TIAM2: variants seen among roughly 807,000 people sequenced by gnomAD.
TIAM2 encodes the protein rho guanine nucleotide exchange factor TIAM2.
TIAM2 carries 80 observed loss-of-function variants against 152.9 expected under a neutral mutation model. The observed-to-expected ratio is 0.52, with a 90% CI of 0.44 to 0.63. The LOEUF is 0.63. Among genes scored for constraint, TIAM2 ranks in the 30% least tolerant of loss-of-function variants. TIAM2 has a pLI of 0.00. For synonymous variants in TIAM2, 804 were observed against 838.0 expected (o/e 0.96, Z 0.70); for missense variants, 1,965 against 2,120.1 (o/e 0.93, Z 1.44).
chr6:155,197,476 A>T (rs1781373356), intron 14 of TIAM2, among the ~76,000 whole-genome samples: 1 of 152,136 alleles, frequency 6.6e-6, no homozygotes, highest in South Asian at 2.1e-4. Context: ...TGACCCCGAA[A>T]TGCCAGTCAC....
At chr6:155,005,795 G>A (rs1039859051) in intron 1 of TIAM2, among the ~76,000 whole-genome samples, 2 of 151,766 alleles carry the variant, frequency 1.3e-5, no homozygotes, top group African/African-American at 2.4e-5. Flanking sequence ...GATTGCAGGC[G>A]CCTGCCACCA....
intron 1 of TIAM2, among the ~76,000 whole-genome samples, chr6:155,007,584 G>A (rs973096398): frequency 2.0e-5 from 3 of 151,968 alleles, no homozygotes; most frequent in African/African-American, 7.2e-5. Context: ...AAAACGATTA[G>A]GTAAAATGTC....
At chr6:155,057,202 T>A (rs1170456464) in intron 1 of TIAM2, among the ~76,000 whole-genome samples, 4 of 151,576 alleles carry the variant, frequency 2.6e-5, no homozygotes, top group African/African-American at 7.3e-5. Flanking sequence ...CTAATGTTTT[T>A]TTATTATTAT....
chr6:155,105,597 A>G (rs140998779), intron 2 of TIAM2, among the ~76,000 whole-genome samples: 1 of 143,696 alleles, frequency 7.0e-6, no homozygotes, highest in Non-Finnish European at 1.5e-5. Context: ...GGCTTGGCTA[A>G]TTTTTTTTTT....
chr6:155,076,710 C>A (rs956406509), intron 1 of TIAM2, among the ~76,000 whole-genome samples: 52 of 152,126 alleles, frequency 3.4e-4, no homozygotes, highest in South Asian at 2.1e-4. Context: ...TTTTTTTAGA[C>A]AGAGTCTTGC....
chr6:155,102,032 G>A (rs568034377), intron 2 of TIAM2, among the ~76,000 whole-genome samples: 65 of 143,894 alleles, frequency 4.5e-4, no homozygotes, highest in Admixed American at 1.0e-3. Flanking sequence ...TCACTTTGTC[G>A]CCCAGGCTGG....
intron 7 of TIAM2, among the ~76,000 whole-genome samples, chr6:155,157,496 G>A (rs559050584): frequency 4.0e-5 from 6 of 150,476 alleles, no homozygotes; most frequent in African/African-American, 1.2e-4. Context: ...AAATAGAGAC[G>A]AGGTCTCGCT....
intron 4 of TIAM2, among the ~76,000 whole-genome samples, chr6:155,132,329 G>C (rs1363050157): frequency 6.7e-6 from 1 of 150,340 alleles, no homozygotes; most frequent in Non-Finnish European, 1.5e-5. Flanking sequence ...TGAGTAGATT[G>C]CTTCAGATTT....
rs1491541310 is a variant in TIAM2 at position 155,029,409 on chromosome 6, A to AGT, written c.-209+33917_-209+33918insGT. 2.6e-4 allele frequency among the ~76,000 whole-genome samples: 22 copies of AGT among 86,196 alleles called. 3 individuals carry two copies. Among genetic ancestry groups the AGT allele is most frequent in the African/African-American group, 9.6e-4 (21 of 21,780 alleles). The allele number at this position is 86,196 out of a possible 152,430, so 56.5% of individuals were successfully genotyped here. A position where few individuals can be genotyped will look rare whatever the true frequency, so the allele number is the denominator to read the frequency against. ...GTTATATATATACTATAGTATATAT[A>AGT]ATATATACTATATATACTATAGTAT... On this transcript the variant is annotated intron_variant, in intron 1 of 26. Transcript: ENST00000682666.
chr6:155,202,883 CAAAAA>C (rs36086677), intron 14 of TIAM2, among the ~76,000 whole-genome samples: 1 of 109,180 alleles, frequency 9.2e-6, no homozygotes, highest in Admixed American at 9.9e-5. Flanking sequence ...ACTAAAAATA[CAAAAA>C]AAAAAAAAAA....
chr6:155,221,703 A>T lies in TIAM2; in HGVS notation c.3168+10396A>T, dbSNP rs141440902. Among the ~76,000 whole-genome samples the T allele has an allele frequency of 1.9e-3, 293 of 152,194 alleles. 1 individual carries two copies. Among genetic ancestry groups the T allele is most frequent in the African/African-American group, 6.8e-3 (284 of 41,530 alleles). Reference sequence around the variant, plus strand: ...TTTGTCCACCTGGATGACAGTGAAGATGGGGTTGAACGGCAAGTGTCCCAT... The same window carrying T: ...TTTGTCCACCTGGATGACAGTGAAGTTGGGGTTGAACGGCAAGTGTCCCAT... On this transcript the variant is annotated intron_variant, in intron 15 of 26. Transcript: ENST00000682666.
chr6:155,078,996 CTT>C (rs929681802), intron 1 of TIAM2, among the ~76,000 whole-genome samples: 1 of 147,690 alleles, frequency 6.8e-6, no homozygotes. Flanking sequence ...TGGTGTTTTT[CTT>C]TTTTTTTTGT....
chr6:155,240,927 T>C (rs1012741057), intron 16 of TIAM2, among the ~76,000 whole-genome samples: 11 of 152,218 alleles, frequency 7.2e-5, no homozygotes, highest in South Asian at 2.1e-4. Flanking sequence ...CCTTGGCTTA[T>C]TTTGTTACCA....
intron 1 of TIAM2, among the ~76,000 whole-genome samples, chr6:155,071,126 T>G (rs780474790): frequency 2.2e-4 from 33 of 151,922 alleles, no homozygotes; most frequent in Admixed American, 7.9e-4. Flanking sequence ...TGAGCCATGA[T>G]CACACCACTG....
chr6:155,043,633 CA>C (rs60093259), intron 1 of TIAM2, among the ~76,000 whole-genome samples: 2,487 of 50,170 alleles, frequency 0.05, 21 homozygotes, highest in African/African-American at 0.12. Context: ...GACCCTGTCT[CA>C]AAAAAAAAAA....
At chr6:155,212,682 C>T (rs1488506720) in intron 15 of TIAM2, among the ~76,000 whole-genome samples, 1 of 141,928 alleles carries the variant, frequency 7.0e-6, no homozygotes, top group Non-Finnish European at 1.5e-5. Flanking sequence ...TGCTCGGGCC[C>T]ACTAGGCCCA....
chr6:155,102,727 A>G (rs576465153), intron 2 of TIAM2, among the ~76,000 whole-genome samples: 4 of 151,824 alleles, frequency 2.6e-5, no homozygotes, highest in African/African-American at 7.2e-5. Context: ...GTTTTTGACT[A>G]GGTATTAGTA....
chr6:155,250,631 T>C (rs892142373), intron 21 of TIAM2: 53 of 1,535,542 alleles, frequency 3.5e-5, no homozygotes, highest in Non-Finnish European at 3.0e-5. Flanking sequence ...ACTGGTAGAG[T>C]TCATCTTATG....
At chr6:155,095,626 G>T (rs1051647040) in intron 2 of TIAM2, among the ~76,000 whole-genome samples, 2 of 152,176 alleles carry the variant, frequency 1.3e-5, no homozygotes, top group African/African-American at 4.8e-5. Flanking sequence ...GGCCCCATCT[G>T]TCAGGATGCT....
Sources: allele counts gnomAD v4.1 joint callset (sites outside exome capture counted in the v4.1 genomes callset), GRCh38; gene constraint gnomAD v4.1.1; transcripts MANE v1.5; gene names NCBI Gene and HGNC (gene_info 2026-07-23, HGNC 2026-07-21).